The following CSDE1 variants were observed in gnomAD, a reference collection of about 807,000 sequenced individuals.
The protein encoded by CSDE1 is cold shock domain-containing protein E1.
Under a neutral mutation model 89.3 loss-of-function variants are expected in CSDE1, and 17 were observed. That is an observed-to-expected ratio of 0.19 (90% CI 0.13 to 0.29). The LOEUF (loss-of-function observed/expected upper bound fraction) is 0.29, where lower values mean the gene tolerates loss of function less well. Among genes scored for constraint, CSDE1 ranks in the 10% least tolerant of loss-of-function variants. The pLI, the probability that CSDE1 is intolerant of heterozygous loss-of-function variation, is 1.00. For missense variants in CSDE1, 672 were observed against 984.2 expected (o/e 0.68, Z 4.24); for synonymous variants, 322 against 332.8 (o/e 0.97, Z 0.35).
intron 17 of CSDE1, 139 bp downstream of exon 17, chr1:114,720,400 C>G: frequency 1.2e-6 from 1 of 808,024 alleles, no homozygotes; most frequent in Non-Finnish European, 1.9e-6. Flanking sequence ...TAAGCTACCT[C>G]AAATGACTGA....
At chr1:114,748,089 G>A (rs1333056269) in intron 2 of CSDE1, among the ~76,000 whole-genome samples, 3 of 152,126 alleles carry the variant, frequency 2.0e-5, no homozygotes, top group Admixed American at 6.6e-5. Context: ...TTTTACTATA[G>A]TTTTTAGTTG....
chr1:114,718,348 C>T (rs1230529142), intron 19 of CSDE1, 132 bp from the exon 20 acceptor site: 2 of 1,143,146 alleles, frequency 1.7e-6, no homozygotes, highest in Non-Finnish European at 2.5e-6. Context: ...TAATTCTTTC[C>T]TAGAGGAGAA....
At chr1:114,746,896 G>A (rs896260885) in intron 2 of CSDE1, 1 of 152,124 alleles carries the variant, frequency 6.6e-6, no homozygotes, top group African/African-American at 2.4e-5. Context: ...TCCTGTCATA[G>A]GTCTCTATTT....
intron 10 of CSDE1, among the ~76,000 whole-genome samples, 190 bp downstream of exon 10, chr1:114,732,412 CAT>C (rs1660153475): frequency 6.6e-6 from 1 of 152,100 alleles, no homozygotes; most frequent in African/African-American, 2.4e-5. Context: ...AATTTTTTCA[CAT>C]ATATTTCCAA....
chr1:114,746,454 C>A (rs1367929671), intron 2 of CSDE1: 2 of 152,074 alleles, frequency 1.3e-5, no homozygotes, highest in Non-Finnish European at 2.9e-5. Context: ...AAAATGCCTT[C>A]TGTTGGTTAA....
Position 114,723,892 on chromosome 1 carries a change from C to A in CSDE1, c.1864G>T (p.Val622Leu), listed in dbSNP as rs1486478645. ...TAGTGATGATCCTTACCCTCCTCCA[C>A]AATCTCAATCATTCCTTGGTACTCA... Reference protein sequence around the residue: ...QTEYQGMIEIVEEGDMKGEVY... With the variant: ...QTEYQGMIEILEEGDMKGEVY... Residue 622 changes from valine (V) to leucine (L), a missense_variant, in exon 16 of 20, where the codon GTG becomes TTG. Coordinates refer to ENST00000358528, the MANE Select transcript of CSDE1 (RefSeq NM_001007553.3). 1 of 1,614,034 alleles carries A rather than the reference C, an allele frequency of 6.2e-7. No homozygotes were observed.
Position 114,757,345 on chromosome 1 carries a change from GA to G in CSDE1, c.-388+579del, listed in dbSNP as rs540954586. The stretch of plus-strand genomic sequence containing the variant: ...AGCAGGGTCTCAGTCTATACACAAA[GA>G]AGGCGCCACTGCCGCACTGCGCTCT... On this transcript the variant is annotated intron_variant, in intron 1 of 19. Transcript: ENST00000358528. 2.5e-3 allele frequency among the ~76,000 whole-genome samples: 380 copies of G among 152,256 alleles called. 1 individual carries two copies. The highest frequency in any genetic ancestry group is 8.6e-3 in the African/African-American group (358 of 41,558).
chr1:114,738,186 G>A (rs922164140), intron 3 of CSDE1, 114 bp from the exon 4 acceptor site: 13 of 788,132 alleles, frequency 1.6e-5, no homozygotes, highest in Non-Finnish European at 2.4e-5. Flanking sequence ...GGTTTTCAAA[G>A]TGTGGTCCCT....
intron 17 of CSDE1, 53 bp downstream of exon 17, chr1:114,720,486 G>C (rs1281586017): frequency 3.5e-6 from 5 of 1,441,260 alleles, no homozygotes; most frequent in Non-Finnish European, 4.7e-6. Flanking sequence ...TGAAGGTTTT[G>C]GTTACCAACT....
chr1:114,749,636 T>C (rs746108195), intron 2 of CSDE1, among the ~76,000 whole-genome samples, 185 bp downstream of exon 2: 7 of 152,180 alleles, frequency 4.6e-5, no homozygotes, highest in Non-Finnish European at 8.8e-5. Context: ...GTATGAAAAA[T>C]GTTTGACCAT....
At chr1:114,752,030 CT>C (rs2101090467) in intron 1 of CSDE1, among the ~76,000 whole-genome samples, 1 of 152,266 alleles carries the variant, frequency 6.6e-6, no homozygotes, top group African/African-American at 2.4e-5. Context: ...TTTGGGAGGC[CT>C]TGGCAGGAGG....
chr1:114,742,400 G>A (rs1346845619), intron 2 of CSDE1, among the ~76,000 whole-genome samples: 1 of 152,140 alleles, frequency 6.6e-6, no homozygotes, highest in Non-Finnish European at 1.5e-5. Flanking sequence ...CGGCCAACAT[G>A]GTGAAAGCCT....
chr1:114,718,125 C>G lies in CSDE1; in HGVS notation c.*44G>C. The G allele has an allele frequency of 6.2e-7, 1 of 1,608,268 alleles. No homozygotes were observed. The highest frequency in any genetic ancestry group is 1.3e-5 in the African/African-American group (1 of 74,890). ...TTCAGAACCCTTCACCAGATTCCCCCCAACTTGATCATAGTGGATTAATGG... is the reference window on the plus strand; with the variant it reads ...TTCAGAACCCTTCACCAGATTCCCCGCAACTTGATCATAGTGGATTAATGG... On this transcript the variant is annotated 3_prime_UTR_variant, in exon 20 of 20. Transcript: ENST00000358528.
At chr1:114,728,676 T>G (rs1659935995) in intron 12 of CSDE1, among the ~76,000 whole-genome samples, 1 of 152,232 alleles carries the variant, frequency 6.6e-6, no homozygotes, top group Admixed American at 6.5e-5. Context: ...TATTTTTATT[T>G]TTGTTAACAG....
chr1:114,747,713 C>T (rs1443192037), intron 2 of CSDE1, among the ~76,000 whole-genome samples: 1 of 151,942 alleles, frequency 6.6e-6, no homozygotes, highest in Non-Finnish European at 1.5e-5. Context: ...CAAAAATAAG[C>T]CAGGCATGGT....
chr1:114,751,348 G>T (rs1041011256), intron 1 of CSDE1, among the ~76,000 whole-genome samples: 1 of 152,162 alleles, frequency 6.6e-6, no homozygotes, highest in African/African-American at 2.4e-5. Flanking sequence ...AAAGGTGTAC[G>T]TGCTGAGAAA....
chr1:114,728,714 T>C (rs1199880013), intron 12 of CSDE1, among the ~76,000 whole-genome samples: 4 of 152,222 alleles, frequency 2.6e-5, no homozygotes, highest in Non-Finnish European at 5.9e-5. Context: ...GAAATTCCTA[T>C]TATGAGCTAG....
At chr1:114,736,606 AT>A in intron 6 of CSDE1, 151 bp downstream of exon 6, 1 of 567,982 alleles carries the variant, frequency 1.8e-6, no homozygotes, top group South Asian at 2.4e-5. Flanking sequence ...GTAATACAAT[AT>A]TCATAGACCT....
chr1:114,732,419 T>C (rs374091197), intron 10 of CSDE1, among the ~76,000 whole-genome samples, 185 bp downstream of exon 10: 16 of 152,272 alleles, frequency 1.1e-4, no homozygotes, highest in African/African-American at 3.9e-4. Flanking sequence ...TCACATATAT[T>C]TCCAAGATAA....
Sources: gnomAD v4.1 joint callset for allele counts (sites outside exome capture counted in the v4.1 genomes callset) on GRCh38, gnomAD v4.1.1 for gene constraint, MANE v1.5 for transcripts, NCBI Gene and HGNC (gene_info 2026-07-23, HGNC 2026-07-21) for gene names.